The following DAB1 variants were observed in gnomAD, a reference collection of about 807,000 sequenced individuals.
The protein encoded by DAB1 is DAB adaptor protein 1.
DAB1 carries 15 observed loss-of-function variants against 64.6 expected under a neutral mutation model. The ratio of observed to expected loss-of-function variants is 0.23; its 90% CI spans 0.16 to 0.36. DAB1 has a LOEUF of 0.36. DAB1 is among the 10% of genes least tolerant of loss of function. The probability of loss-of-function intolerance (pLI) is 1.00; values close to 1 mark genes in which losing one functional copy is unlikely to be tolerated. For missense variants in DAB1, 596 were observed against 706.7 expected (o/e 0.84, Z 1.78); for synonymous variants, 235 against 251.9 (o/e 0.93, Z 0.64).
chr1:57,568,103 G>T (rs1326080880), intron 7 of DAB1, among the ~76,000 whole-genome samples: 1 of 152,192 alleles, frequency 6.6e-6, no homozygotes, highest in African/African-American at 2.4e-5. Flanking sequence ...ACAGAACAGA[G>T]CCCTCAGAAA....
At chr1:58,013,097 C>G (rs973193969) in intron 5 of DAB1, among the ~76,000 whole-genome samples, 2 of 152,256 alleles carry the variant, frequency 1.3e-5, no homozygotes, top group African/African-American at 4.8e-5. Context: ...CAGTGGAACA[C>G]CCCTGACTCT....
chr1:58,348,579 A>G (rs1644022670), intron 3 of DAB1, among the ~76,000 whole-genome samples: 1 of 152,212 alleles, frequency 6.6e-6, no homozygotes, highest in African/African-American at 2.4e-5. Flanking sequence ...GTCTGGCCCT[A>G]ACTTGGCTAT....
intron 1 of DAB1, among the ~76,000 whole-genome samples, chr1:57,403,412 C>G (rs994099706): frequency 6.6e-5 from 10 of 152,310 alleles, no homozygotes; most frequent in African/African-American, 2.4e-4. Context: ...GCTCTTGGCT[C>G]TAGCCATAGC....
chr1:57,690,477 T>A (rs1646751280), intron 6 of DAB1, among the ~76,000 whole-genome samples: 1 of 152,180 alleles, frequency 6.6e-6, no homozygotes, highest in African/African-American at 2.4e-5. Context: ...TCCAGCCATC[T>A]AAGACATGCC....
At chr1:57,964,566 A>C (rs967945967) in intron 5 of DAB1, among the ~76,000 whole-genome samples, 4 of 152,210 alleles carry the variant, frequency 2.6e-5, no homozygotes, top group African/African-American at 9.6e-5. Flanking sequence ...CCGAGTGTCT[A>C]TAATGTGAGG....
At chr1:58,539,035 C>CT (rs1240808383) in intron 1 of DAB1, 6 of 872,848 alleles carry the variant, frequency 6.9e-6, no homozygotes, top group Non-Finnish European at 1.2e-5. Context: ...AATTTCCTTA[C>CT]TTTTGGTACT....
chr1:57,276,773 T>G (rs1481457597), intron 2 of DAB1, among the ~76,000 whole-genome samples: 2 of 152,258 alleles, frequency 1.3e-5, no homozygotes, highest in Non-Finnish European at 2.9e-5. Context: ...TGGGAAGTCC[T>G]TGGATAGTTG....
chr1:58,503,217 T>A lies in DAB1; in HGVS notation n.257+2843A>T, dbSNP rs116468945. Among the ~76,000 whole-genome samples the A allele has an allele frequency of 3.8e-3, 581 of 152,104 alleles. 2 individuals carry two copies. The highest frequency in any genetic ancestry group is 0.014 in the African/African-American group (563 of 41,496). On this transcript the variant is annotated intron_variant and non_coding_transcript_variant, in intron 3 of 20. Transcript: ENST00000485760. The stretch of plus-strand genomic sequence containing the variant: ...AAAAGAAAAAAAATTCAAGAGAAAA[T>A]CATATTGTTATCATTGCTTTAGAGA...
intron 3 of DAB1, among the ~76,000 whole-genome samples, chr1:58,415,705 G>C (rs571952821): frequency 1.3e-5 from 2 of 152,148 alleles, no homozygotes; most frequent in African/African-American, 4.8e-5. Context: ...AGTGTCAACC[G>C]TGTGTCAGGC....
chr1:57,152,907 G>C (rs1659830436), intron 2 of DAB1, among the ~76,000 whole-genome samples: 1 of 152,014 alleles, frequency 6.6e-6, no homozygotes, highest in Admixed American at 6.6e-5. Context: ...ACAGAACTTA[G>C]GTCTCCAGTT....
At chr1:58,100,535 CAT>C (rs1422097347) in intron 5 of DAB1, among the ~76,000 whole-genome samples, 2 of 152,168 alleles carry the variant, frequency 1.3e-5, no homozygotes, top group Non-Finnish European at 2.9e-5. Context: ...TGTGTGTACG[CAT>C]ATCTCTTTGA....
intron 5 of DAB1, among the ~76,000 whole-genome samples, chr1:57,912,829 A>G (rs1431598565): frequency 6.6e-6 from 1 of 152,208 alleles, no homozygotes; most frequent in Non-Finnish European, 1.5e-5. Flanking sequence ...CTCATGAGTG[A>G]ACTCCCATTC....
intron 5 of DAB1, among the ~76,000 whole-genome samples, chr1:58,017,273 C>G (rs1646754714): frequency 6.6e-6 from 1 of 152,002 alleles, no homozygotes; most frequent in Non-Finnish European, 1.5e-5. Context: ...AAGGGCTATG[C>G]GATTAGGCAC....
intron 2 of DAB1, among the ~76,000 whole-genome samples, chr1:57,233,649 C>T (rs1205085616): frequency 6.6e-6 from 1 of 151,444 alleles, no homozygotes; most frequent in Admixed American, 6.6e-5. Flanking sequence ...ATCCCAGCTA[C>T]TCAGGAGGCT....
intron 7 of DAB1, among the ~76,000 whole-genome samples, chr1:57,533,296 T>C (rs1357095919): frequency 6.6e-6 from 1 of 151,862 alleles, no homozygotes. Flanking sequence ...ACTTTCACTA[T>C]GCTTCTCACC....
At chr1:58,420,393 T>C (rs533158200) in intron 3 of DAB1, among the ~76,000 whole-genome samples, 1 of 152,346 alleles carries the variant, frequency 6.6e-6, no homozygotes, top group African/African-American at 2.4e-5. Context: ...AAGATTTAAC[T>C]GTATGATTCC....
At chr1:58,384,154 C>T (rs116197663) in intron 3 of DAB1, among the ~76,000 whole-genome samples, 2,288 of 151,674 alleles carry the variant, frequency 0.015, 30 homozygotes, top group Admixed American at 0.022. Context: ...TGTTGAACAA[C>T]TTGGTACAAA....
chr1:58,022,797 T>C (rs1240860588), intron 5 of DAB1, among the ~76,000 whole-genome samples: 1 of 152,228 alleles, frequency 6.6e-6, no homozygotes, highest in East Asian at 1.9e-4. Flanking sequence ...TAGCCAAAGT[T>C]TTAATTTTAA....
chr1:58,172,269 G>A (rs1327060927), intron 4 of DAB1, among the ~76,000 whole-genome samples: 2 of 152,140 alleles, frequency 1.3e-5, no homozygotes, highest in African/African-American at 4.8e-5. Flanking sequence ...TCAGACTTGT[G>A]GAACAATCCC....
Sources: allele counts gnomAD v4.1 joint callset (sites outside exome capture counted in the v4.1 genomes callset), GRCh38; gene constraint gnomAD v4.1.1; transcripts MANE v1.5; gene names NCBI Gene and HGNC (gene_info 2026-07-23, HGNC 2026-07-21).